PROM1: variants seen among roughly 807,000 people sequenced by gnomAD.
PROM1 encodes prominin 1.
A neutral mutation model predicts 116.9 loss-of-function variants in PROM1; 105 were observed. The observed-to-expected ratio is 0.90, with a 90% CI of 0.77 to 1.06. The LOEUF is 1.06. Ranked by LOEUF, PROM1 falls within the 50% of genes least tolerant of loss-of-function variation. The pLI is 0.00. For synonymous variants in PROM1, 393 were observed against 387.0 expected (o/e 1.02, Z -0.18); for missense variants, 1,122 against 1,045.2 (o/e 1.07, Z -1.01).
chr4:16,013,391 T>C, intron 10 of PROM1, 53 bp from the exon 11 acceptor site: 6 of 1,302,858 alleles, frequency 4.6e-6, no homozygotes, highest in Non-Finnish European at 6.7e-6. Context: ...AAAGACTAGT[T>C]GACTAGTCAC....
At chr4:16,067,021 GC>G (rs1741701484) in intron 2 of PROM1, among the ~76,000 whole-genome samples, 1 of 152,156 alleles carries the variant, frequency 6.6e-6, no homozygotes, top group Non-Finnish European at 1.5e-5. Context: ...ACAGAAGACT[GC>G]CCTATGAAAG....
At position 16,006,558 on chromosome 4, in the gene PROM1, G is replaced by A. The variant is rs761939598; in HGVS notation, c.1434C>T (p.Thr478=). The A allele has an allele frequency of 6.3e-6, 10 of 1,597,338 alleles. No homozygotes were observed. The highest frequency in any genetic ancestry group is 3.5e-5 in the Admixed American group (2 of 57,564). Residue 478 remains threonine, a synonymous_variant, in exon 13 of 28, where the codon ACC becomes ACT. Coordinates refer to ENST00000447510, the MANE Select transcript of PROM1 (RefSeq NM_006017.3). ...TPTTRGCVSN[T]GGVFLMVGVG... ...CTCACACCATGAGGAAGACGCCTCC[G>A]GTGTTGGAGACACAGCCTCGGGTGG...
intron 1 of PROM1, among the ~76,000 whole-genome samples, chr4:16,080,202 A>G (rs1246490022): frequency 1.3e-5 from 2 of 151,342 alleles, no homozygotes; most frequent in African/African-American, 4.9e-5. Flanking sequence ...TGGAGTCCAG[A>G]GAACTGCATT....
In PROM1 at chr4:15,970,527, T is replaced by A. The variant is rs1380622207; in HGVS notation, c.*24+516A>T. Among the ~76,000 whole-genome samples, 5 of 151,930 alleles carry A rather than the reference T, an allele frequency of 3.3e-5. No homozygotes were observed. In the East Asian group the frequency reaches 5.8e-4, roughly 18 times the overall value. ...TTTAAGTAAAAAAATTTTATTTTTTTAATATACACCCACATACTCACTGTG... is the reference window on the plus strand; with the variant it reads ...TTTAAGTAAAAAAATTTTATTTTTTAAATATACACCCACATACTCACTGTG... On this transcript the variant is annotated intron_variant, in intron 27 of 27. Transcript: ENST00000447510.
Position 16,015,432 on chromosome 4 carries a change from G to A in PROM1, c.1077+734C>T, listed in dbSNP as rs574590930. On this transcript the variant is annotated intron_variant, in intron 10 of 27. Transcript: ENST00000447510. ...CGGCTGGGTGTGGTGGCTCATGCCT[G>A]TAATCCCAGCACTTTGGAAGGCCAA... Among the ~76,000 whole-genome samples the A allele has an allele frequency of 3.3e-5, 5 of 151,214 alleles. No homozygotes were observed. In the East Asian group the frequency reaches 9.8e-4, roughly 30 times the overall value.
intron 2 of PROM1, among the ~76,000 whole-genome samples, chr4:16,073,442 A>T (rs1224611685): frequency 6.6e-6 from 1 of 152,168 alleles, no homozygotes. Flanking sequence ...TGATTATCTT[A>T]TATGTGTCCT....
chr4:16,019,231 C>T (rs574695368), intron 8 of PROM1, among the ~76,000 whole-genome samples: 2 of 152,320 alleles, frequency 1.3e-5, no homozygotes, highest in East Asian at 3.9e-4. Context: ...AGAGAGTACC[C>T]AACTAACAAC....
chr4:15,995,219 AG>A (rs1243719733), intron 15 of PROM1, among the ~76,000 whole-genome samples: 2 of 152,196 alleles, frequency 1.3e-5, no homozygotes, highest in East Asian at 3.9e-4. Context: ...TTAGGTAGGA[AG>A]TGACACATGT....
chr4:16,000,755 C>T, intron 13 of PROM1, 136 bp from the exon 14 acceptor site: 1 of 720,350 alleles, frequency 1.4e-6, no homozygotes, highest in Non-Finnish European at 2.0e-6. Context: ...GATCATCCAC[C>T]TAGGAGTGAC....
At chr4:15,969,932 A>G (rs138429219) in intron 27 of PROM1, among the ~76,000 whole-genome samples, 8 of 152,060 alleles carry the variant, frequency 5.3e-5, no homozygotes, top group Non-Finnish European at 1.2e-4. Context: ...ACAGATTTCT[A>G]TATTTTTGTT....
intron 2 of PROM1, among the ~76,000 whole-genome samples, chr4:16,069,598 C>T (rs573808080): frequency 7.5e-4 from 114 of 152,218 alleles, no homozygotes; most frequent in Non-Finnish European, 1.3e-3. Flanking sequence ...CAATATGCCA[C>T]AAGCTAGTGT....
intron 2 of PROM1, among the ~76,000 whole-genome samples, chr4:16,044,356 T>G (rs1171592566): frequency 1.3e-5 from 2 of 152,254 alleles, no homozygotes; most frequent in African/African-American, 4.8e-5. Context: ...TTATCAGATT[T>G]GTGCCAAGCT....
rs1297761935 is a variant in PROM1, at chr4:15,998,574, G to A, written c.1579-86C>T. 13 of 1,291,328 alleles carry A rather than the reference G, an allele frequency of 1.0e-5. No homozygotes were observed. The East Asian group carries it at 1.2e-4, about 12-fold the overall frequency. The allele number at this position is 1,291,328 out of a possible 1,614,324, so 80.0% of individuals were successfully genotyped here. A position where few individuals can be genotyped will look rare whatever the true frequency, so the allele number is the denominator to read the frequency against. On this transcript the variant is annotated intron_variant, in intron 14 of 27. Transcript: ENST00000447510. ...TAATAAAATTAATATTCTGTTGAAT[G>A]TATTTTGGAAATTTTTCATAACATT...
Position 16,024,175 on chromosome 4 carries a change from T to C in PROM1, c.694+120A>G, listed in dbSNP as rs960634415. On this transcript the variant is annotated intron_variant, in intron 7 of 27. Coordinates refer to ENST00000447510, the MANE Select transcript of PROM1 (RefSeq NM_006017.3). Reference sequence around the variant, plus strand: ...ACAAATGACACATTGGCAATAAGGCTAGGGAATCATCTTTCTGTCTTCCCC... The same window carrying C: ...ACAAATGACACATTGGCAATAAGGCCAGGGAATCATCTTTCTGTCTTCCCC... 6 of 879,392 alleles carry C rather than the reference T, an allele frequency of 6.8e-6. No individual in the cohort carries two copies. The African/African-American group carries it at 1.0e-4, about 15-fold the overall frequency. 54.5% of individuals were successfully genotyped at this position (879,392 alleles called of 1,614,324 possible).
At chr4:16,061,232 T>G (rs929501204) in intron 2 of PROM1, among the ~76,000 whole-genome samples, 1 of 152,166 alleles carries the variant, frequency 6.6e-6, no homozygotes, top group Non-Finnish European at 1.5e-5. Context: ...GAGATTTAAA[T>G]GAATCATTAG....
At chr4:15,970,462 C>T (rs1005275530) in intron 27 of PROM1, among the ~76,000 whole-genome samples, 1 of 151,878 alleles carries the variant, frequency 6.6e-6, no homozygotes, top group African/African-American at 2.4e-5. Flanking sequence ...CGTGAGCCAC[C>T]GCACCAGCCC....
chr4:16,057,363 TAG>T, intron 2 of PROM1, among the ~76,000 whole-genome samples: 1 of 152,224 alleles, frequency 6.6e-6, no homozygotes, highest in Non-Finnish European at 1.5e-5. Flanking sequence ...TCATCTCAAT[TAG>T]TAAACATGTC....
intron 15 of PROM1, among the ~76,000 whole-genome samples, chr4:15,997,696 C>T (rs1722678692): frequency 6.6e-6 from 1 of 152,142 alleles, no homozygotes; most frequent in Non-Finnish European, 1.5e-5. Flanking sequence ...AACTCCTGAC[C>T]TCAGGTGATC....
rs1432379790 is a variant in PROM1, at chr4:15,995,317, AAAG to A, written c.1683-1249_1683-1247del. 8.2e-4 allele frequency among the ~76,000 whole-genome samples: 117 copies of A among 141,956 alleles called. 1 individual carries two copies. The highest frequency in any genetic ancestry group is 1.2e-3 in the Non-Finnish European group (76 of 63,188). The allele number at this position is 141,956 out of a possible 152,430, so 93.1% of individuals were successfully genotyped here. On this transcript the variant is annotated intron_variant, in intron 15 of 27. Coordinates refer to ENST00000447510, the MANE Select transcript of PROM1 (RefSeq NM_006017.3). Reference sequence around the variant, plus strand: ...GTTGGAAGGAGAGAGAGAGAGAGAAAAAGAAGAAGAAGACGAAGAAGACGAAGA... The same window carrying A: ...GTTGGAAGGAGAGAGAGAGAGAGAAAAAGAAGAAGACGAAGAAGACGAAGA...
Sources: allele counts gnomAD v4.1 joint callset (sites outside exome capture counted in the v4.1 genomes callset), GRCh38; gene constraint gnomAD v4.1.1; transcripts MANE v1.5; gene names NCBI Gene and HGNC (gene_info 2026-07-23, HGNC 2026-07-21).